LRP1B: variants seen among roughly 807,000 people sequenced by gnomAD.
LRP1B encodes the protein LDL receptor related protein 1B, also known as low-density lipoprotein receptor-related protein 1B.
LRP1B carries 217 observed loss-of-function variants against 556.6 expected under a neutral mutation model. The ratio of observed to expected loss-of-function variants is 0.39; its 90% CI spans 0.35 to 0.44. The LOEUF (loss-of-function observed/expected upper bound fraction) is 0.44, where lower values mean the gene tolerates loss of function less well. LRP1B is among the 20% of genes least tolerant of loss of function. The probability of loss-of-function intolerance (pLI) is 1.00; values close to 1 mark genes in which losing one functional copy is unlikely to be tolerated. For synonymous variants in LRP1B, 2,047 were observed against 1,865.8 expected (o/e 1.10, Z -2.50); for missense variants, 5,053 against 5,620.8 (o/e 0.90, Z 3.23).
chr2:140,744,177 AC>A (rs1318559992), intron 35 of LRP1B, among the ~76,000 whole-genome samples: 3 of 152,054 alleles, frequency 2.0e-5, no homozygotes, highest in Non-Finnish European at 4.4e-5. Flanking sequence ...ATTATACAAA[AC>A]ATATATCATT....
intron 3 of LRP1B, among the ~76,000 whole-genome samples, chr2:141,262,362 G>T (rs938003079): frequency 6.6e-6 from 1 of 151,488 alleles, no homozygotes; most frequent in South Asian, 2.1e-4. Context: ...TTTGTATATC[G>T]TTTCTCCTAG....
intron 43 of LRP1B, among the ~76,000 whole-genome samples, chr2:140,544,723 T>C (rs371296429): frequency 6.6e-6 from 1 of 152,156 alleles, no homozygotes; most frequent in Non-Finnish European, 1.5e-5. Flanking sequence ...CAGTCTACCA[T>C]TGATGGGCAT....
intron 1 of LRP1B, among the ~76,000 whole-genome samples, chr2:141,871,752 T>C (rs368593370): frequency 1.3e-5 from 2 of 151,964 alleles, no homozygotes; most frequent in African/African-American, 4.8e-5. Flanking sequence ...AAAAGGTGTT[T>C]AGTTTATGCA....
chr2:140,785,644 C>T (rs1326558035), intron 32 of LRP1B, among the ~76,000 whole-genome samples: 1 of 152,010 alleles, frequency 6.6e-6, no homozygotes, highest in Non-Finnish European at 1.5e-5. Flanking sequence ...CTAACTACCC[C>T]CTATACCGCC....
At chr2:140,328,109 AAAG>A (rs1405046395) in intron 79 of LRP1B, among the ~76,000 whole-genome samples, 4 of 152,074 alleles carry the variant, frequency 2.6e-5, no homozygotes, top group African/African-American at 9.7e-5. Context: ...GCTCTGTAAT[AAAG>A]AACCAATAAT....
chr2:141,271,107 C>A (rs544323250), intron 3 of LRP1B, among the ~76,000 whole-genome samples: 1 of 151,638 alleles, frequency 6.6e-6, no homozygotes, highest in South Asian at 2.1e-4. Context: ...AGAAAAATAA[C>A]CAAAATGAAA....
intron 16 of LRP1B, among the ~76,000 whole-genome samples, chr2:140,989,891 C>A (rs959785473): frequency 1.3e-5 from 2 of 151,984 alleles, no homozygotes; most frequent in East Asian, 1.9e-4. Flanking sequence ...GAAATGTATT[C>A]TTTTTTTATG....
intron 10 of LRP1B, among the ~76,000 whole-genome samples, chr2:141,054,826 C>G (rs80278214): frequency 0.034 from 5,217 of 152,002 alleles, 96 homozygotes; most frequent in South Asian, 0.074. Flanking sequence ...AACTTATTAG[C>G]TCAAATACAT....
intron 3 of LRP1B, among the ~76,000 whole-genome samples, chr2:141,374,124 G>T (rs1014187047): frequency 8.6e-5 from 13 of 151,970 alleles, no homozygotes; most frequent in Non-Finnish European, 1.6e-4. Flanking sequence ...TTCAGGCAGG[G>T]TATGTTTATA....
At chr2:140,766,777 T>A (rs186223732) in intron 35 of LRP1B, among the ~76,000 whole-genome samples, 170 of 146,734 alleles carry the variant, frequency 1.2e-3, no homozygotes, top group African/African-American at 3.9e-3. Flanking sequence ...AGCCAAATCC[T>A]AGCTAATTAG....
chr2:140,251,420 T>C (rs1264948756), intron 86 of LRP1B, among the ~76,000 whole-genome samples: 2 of 151,872 alleles, frequency 1.3e-5, no homozygotes, highest in African/African-American at 2.4e-5. Context: ...TATGAACTGC[T>C]CTTGTCATTT....
intron 31 of LRP1B, among the ~76,000 whole-genome samples, chr2:140,834,207 A>G (rs1425231356): frequency 6.6e-6 from 1 of 152,030 alleles, no homozygotes. Context: ...CTTAAACCAG[A>G]CTTTAAAATC....
chr2:141,393,488 G>A (rs573465230), intron 3 of LRP1B, among the ~76,000 whole-genome samples: 1 of 152,206 alleles, frequency 6.6e-6, no homozygotes, highest in Non-Finnish European at 1.5e-5. Flanking sequence ...CTTTCTGACT[G>A]TGAGTTACAT....
At chr2:140,737,546 C>T (rs1473930403) in intron 35 of LRP1B, among the ~76,000 whole-genome samples, 1 of 152,154 alleles carries the variant, frequency 6.6e-6, no homozygotes, top group Non-Finnish European at 1.5e-5. Context: ...ACATACCTGG[C>T]ATTTGGGTGA....
intron 1 of LRP1B, among the ~76,000 whole-genome samples, chr2:142,105,267 CTT>C (rs1339427667): frequency 2.2e-4 from 33 of 152,176 alleles, no homozygotes; most frequent in Admixed American, 2.2e-3. Flanking sequence ...AGACAGATCT[CTT>C]TGGGTTTCTA....
At chr2:141,559,166 A>C (rs762521336) in intron 2 of LRP1B, among the ~76,000 whole-genome samples, 1 of 151,618 alleles carries the variant, frequency 6.6e-6, no homozygotes. Flanking sequence ...ATTATTCTCC[A>C]TCACTATTAT....
rs1694932663 is a variant in LRP1B, at chr2:140,927,816, C to T, written c.3137-4669G>A. On this transcript the variant is annotated intron_variant, in intron 20 of 90. Coordinates refer to ENST00000389484, the MANE Select transcript of LRP1B (RefSeq NM_018557.3). Reference sequence around the variant, plus strand: ...CTGCCTCCCGGGTTCAAGTGATTCTCCTGTCTCAGCCTCCCCAGAAGCTGG... The same window carrying T: ...CTGCCTCCCGGGTTCAAGTGATTCTTCTGTCTCAGCCTCCCCAGAAGCTGG... Among the ~76,000 whole-genome samples, 3 of 150,742 alleles carry T rather than the reference C, an allele frequency of 2.0e-5. No individual in the cohort carries two copies. The South Asian group carries it at 6.3e-4, about 32-fold the overall frequency.
chr2:140,882,851 C>T (rs1352452953), intron 25 of LRP1B, among the ~76,000 whole-genome samples: 1 of 152,164 alleles, frequency 6.6e-6, no homozygotes, highest in Non-Finnish European at 1.5e-5. Flanking sequence ...CTCATTGAAG[C>T]ACTCATTGGT....
chr2:140,471,597 A>T (rs1328493713), intron 60 of LRP1B, among the ~76,000 whole-genome samples: 1 of 152,186 alleles, frequency 6.6e-6, no homozygotes, highest in Non-Finnish European at 1.5e-5. Context: ...ATTGAATCTA[A>T]CACTGTATCT....
Sources: allele counts gnomAD v4.1 joint callset (sites outside exome capture counted in the v4.1 genomes callset), GRCh38; gene constraint gnomAD v4.1.1; transcripts MANE v1.5; gene names NCBI Gene and HGNC (gene_info 2026-07-23, HGNC 2026-07-21).